Variants in CLXN observed in about 807,000 individuals in gnomAD.
The protein encoded by CLXN is calaxin.
At chr8:48,713,144 AT>A in the CLXN span, among the ~76,000 whole-genome samples, 1 of 152,190 alleles carries the variant, frequency 6.6e-6, no homozygotes, top group Non-Finnish European at 1.5e-5. Flanking sequence ...GCAAGACACC[AT>A]CTGCCTCAAT....
chr8:48,731,267 C>G, the CLXN span: 1 of 1,400,278 alleles, frequency 7.1e-7, no homozygotes, highest in Non-Finnish European at 9.4e-7. Context: ...AGCTTCCTAC[C>G]AAGAGGATGT....
the CLXN span, among the ~76,000 whole-genome samples, chr8:48,728,690 T>C: frequency 2.6e-5 from 4 of 152,342 alleles, no homozygotes; most frequent in South Asian, 6.2e-4. Flanking sequence ...ATGAAGAACA[T>C]ACAAGTAATT....
the CLXN span, among the ~76,000 whole-genome samples, chr8:48,728,641 C>G: frequency 2.0e-5 from 3 of 152,126 alleles, no homozygotes; most frequent in Non-Finnish European, 4.4e-5. Context: ...TTAAATGAGG[C>G]AATATGAGGC....
At chr8:48,715,513 T>C in the CLXN span, 1 of 152,298 alleles carries the variant, frequency 6.6e-6, no homozygotes, top group Non-Finnish European at 1.5e-5. Context: ...GGGATCGTTT[T>C]GGCTGTGACC....
At chr8:48,730,534 T>C in the CLXN span, 3 of 1,587,368 alleles carry the variant, frequency 1.9e-6, no homozygotes, top group Non-Finnish European at 2.6e-6. Flanking sequence ...CAACCTGCAA[T>C]CTTACATTTC....
At chr8:48,730,527 C>A in the CLXN span, 3 of 1,556,666 alleles carry the variant, frequency 1.9e-6, no homozygotes, top group South Asian at 3.4e-5. Context: ...AATAGGACAA[C>A]CTGCAATCTT....
chr8:48,726,583 G>A, the CLXN span, among the ~76,000 whole-genome samples: 1,553 of 113,914 alleles, frequency 0.014, 13 homozygotes, highest in Admixed American at 0.029. Context: ...CCATCCATCC[G>A]TCCATCCACC....
chr8:48,733,132 C>A, the CLXN span, among the ~76,000 whole-genome samples: 1 of 152,058 alleles, frequency 6.6e-6, no homozygotes, highest in African/African-American at 2.4e-5. Flanking sequence ...CACACACACA[C>A]AAACCTCCTA....
the CLXN span, chr8:48,731,578 T>C: frequency 7.7e-7 from 1 of 1,292,096 alleles, no homozygotes; most frequent in South Asian, 1.6e-5. Flanking sequence ...GCAATAAGTT[T>C]ACAGACAAAC....
chr8:48,724,790 T>A, the CLXN span: 1 of 1,611,946 alleles, frequency 6.2e-7, no homozygotes. Flanking sequence ...GAGCTTCAAA[T>A]TCCATCTGGC....
At chr8:48,716,336 C>T in the CLXN span, 8 of 152,374 alleles carry the variant, frequency 5.3e-5, no homozygotes, top group East Asian at 1.9e-4. Flanking sequence ...ATAAGCACCA[C>T]GTGCAGCCCC....
At chr8:48,735,212 C>T in the CLXN span, 1 of 1,593,856 alleles carries the variant, frequency 6.3e-7, no homozygotes, top group Non-Finnish European at 8.6e-7. Flanking sequence ...TACCGAGACC[C>T]TCGCGGGACC....
the CLXN span, chr8:48,734,725 C>T: frequency 5.1e-6 from 1 of 196,962 alleles, no homozygotes; most frequent in Non-Finnish European, 1.0e-5. Context: ...GGTGAGTGCA[C>T]GGTCTACCTT....
chr8:48,730,362 C>G, the CLXN span, among the ~76,000 whole-genome samples: 1 of 152,088 alleles, frequency 6.6e-6, no homozygotes, highest in Non-Finnish European at 1.5e-5. Flanking sequence ...TTTTTATTAA[C>G]TTTCTTTCAT....
chr8:48,729,579 T>C, the CLXN span: 2 of 817,910 alleles, frequency 2.4e-6, no homozygotes, highest in Non-Finnish European at 3.6e-6. Context: ...TGAAAAGAAC[T>C]ATTAATATGT....
chr8:48,733,682 T>TTTG, the CLXN span, among the ~76,000 whole-genome samples: 1 of 152,186 alleles, frequency 6.6e-6, no homozygotes, highest in Non-Finnish European at 1.5e-5. Context: ...CATTGAAAAT[T>TTTG]TTTTAGTAAA....
chr8:48,726,261 A>C, the CLXN span, among the ~76,000 whole-genome samples: 2 of 123,410 alleles, frequency 1.6e-5, no homozygotes, highest in African/African-American at 3.8e-5. Context: ...ACCATCCATC[A>C]TCTATCTATC....
At chr8:48,730,703 T>A in the CLXN span, 1 of 951,904 alleles carries the variant, frequency 1.1e-6, no homozygotes, top group Admixed American at 2.3e-5. Context: ...CAGTAAAGTA[T>A]CTACATTGGC....
the CLXN span, among the ~76,000 whole-genome samples, chr8:48,717,084 G>A: frequency 1.3e-5 from 2 of 152,178 alleles, no homozygotes; most frequent in Admixed American, 6.5e-5. Flanking sequence ...AGAATCACTT[G>A]AATCCAGGAG....
Sources: gnomAD v4.1 joint callset for allele counts (sites outside exome capture counted in the v4.1 genomes callset) on GRCh38, gnomAD v4.1.1 for gene constraint, MANE v1.5 for transcripts, NCBI Gene and HGNC (gene_info 2026-07-23, HGNC 2026-07-21) for gene names.